Variants in DPYSL5 observed in about 807,000 individuals in gnomAD.
The protein encoded by DPYSL5 is dihydropyrimidinase like 5, also known as dihydropyrimidinase-related protein 5.
Under a neutral mutation model 58.4 loss-of-function variants are expected in DPYSL5, and 9 were observed. That is an observed-to-expected ratio of 0.15 (90% confidence interval 0.09 to 0.27). The LOEUF is 0.27. Among genes scored for constraint, DPYSL5 ranks in the 10% least tolerant of loss-of-function variants. The pLI, the probability that DPYSL5 is intolerant of heterozygous loss-of-function variation, is 1.00. For synonymous variants in DPYSL5, 293 were observed against 301.9 expected, an observed-to-expected ratio of 0.97 and a Z score of 0.31; for missense variants, 499 against 770.6, an observed-to-expected ratio of 0.65 and a Z score of 4.17.
intron 1 of DPYSL5, among the ~76,000 whole-genome samples, chr2:26,878,970 T>A (rs1432025582): frequency 6.6e-6 from 1 of 152,232 alleles, no homozygotes; most frequent in Non-Finnish European, 1.5e-5. Flanking sequence ...CCCCACCCTT[T>A]CTGGTACCGG....
rs749747850 is a variant in DPYSL5, at chr2:26,946,879, C to T, written c.1610-31C>T. 3.8e-5 allele frequency: 61 copies of T among 1,588,498 alleles called. 1 individual carries two copies. The highest frequency in any genetic ancestry group is 3.5e-4 in the South Asian group (32 of 90,370). On this transcript the variant is annotated intron_variant, in intron 12 of 12. Transcript: ENST00000288699. ...TGGTTTGTTAGCAGGCACAAGAGCC[C>T]GTCTCACCCTCTGTGCTTCCTTCCC...
rs1241552484 is a variant in DPYSL5, at chr2:26,877,299, CTATTTATT to C, written c.-4-21187_-4-21180del. Among the ~76,000 whole-genome samples, 2 of 152,044 alleles carry C rather than the reference CTATTTATT, an allele frequency of 1.3e-5. No individual in the cohort carries two copies. The highest frequency in any genetic ancestry group is 2.1e-4 in the South Asian group (1 of 4,820). On this transcript the variant is annotated intron_variant, in intron 1 of 12. Transcript: ENST00000288699. This position sits in a 1 kb window ranked among gnomAD's most constrained non-coding sequence, Gnocchi z 4.1. The stretch of plus-strand genomic sequence containing the variant: ...CTTTATTATAACAATATTTTTATTT[CTATTTATT>C]TATTTATTTTTTTAAGGCCAAGGAA...
Position 26,934,837 on chromosome 2 carries a change from C to G in DPYSL5, c.947+103C>G, listed in dbSNP as rs1159540944. On this transcript the variant is annotated intron_variant, in intron 8 of 12. Transcript: ENST00000288699. The surrounding 1 kb of genome is among the most constrained non-coding windows in gnomAD (Gnocchi z 4.3). The stretch of plus-strand genomic sequence containing the variant: ...TGAGCTAGGTTTGATTTCATTGTGC[C>G]CATAGGATCATTGTGCTTTTCTTAC... 2 of 1,454,226 alleles carry G rather than the reference C, an allele frequency of 1.4e-6. No homozygotes were observed. The highest frequency in any genetic ancestry group is 1.4e-5 in the African/African-American group (1 of 71,332). 90.1% of individuals were successfully genotyped at this position (1,454,226 alleles called of 1,614,324 possible). A position where few individuals can be genotyped will look rare whatever the true frequency, so the allele number is the denominator to read the frequency against.
At chr2:26,879,517 G>A (rs1663503128) in intron 1 of DPYSL5, among the ~76,000 whole-genome samples, 1 of 150,558 alleles carries the variant, frequency 6.6e-6, no homozygotes, top group South Asian at 2.1e-4. Context: ...TGATTGTTTG[G>A]AATTACGTCT....
At chr2:26,912,663 C>A (rs995482249) in intron 2 of DPYSL5, among the ~76,000 whole-genome samples, 1 of 152,206 alleles carries the variant, frequency 6.6e-6, no homozygotes, top group Non-Finnish European at 1.5e-5. Flanking sequence ...AACCGCATGT[C>A]GGGAGCCAGC....
intron 1 of DPYSL5, among the ~76,000 whole-genome samples, chr2:26,882,473 G>A (rs536579242): frequency 2.6e-5 from 4 of 151,086 alleles, no homozygotes; most frequent in South Asian, 4.2e-4. Context: ...GTGTAGACAG[G>A]GTGTCACTAT....
At chr2:26,880,934 T>C (rs1663544506) in intron 1 of DPYSL5, among the ~76,000 whole-genome samples, 1 of 152,256 alleles carries the variant, frequency 6.6e-6, no homozygotes, top group African/African-American at 2.4e-5. Context: ...CTTCAGTCTG[T>C]TGGGCATGAA....
rs927614993 is a variant in DPYSL5 at position 26,942,983 on chromosome 2, C to T, written c.1440+233C>T. ...CCAAGTGGCATTTTAAGTGGTCAGG[C>T]AGCAGGGCTCCTGAGTTGCTGAGGG... On this transcript the variant is annotated intron_variant, in intron 11 of 12. Coordinates refer to ENST00000288699, the MANE Select transcript of DPYSL5 (RefSeq NM_020134.4). The surrounding 1 kb of genome is among the most constrained non-coding windows in gnomAD (Gnocchi z 5.9). Among the ~76,000 whole-genome samples the T allele has an allele frequency of 6.6e-6, 1 of 152,200 alleles. No individual in the cohort carries two copies. Among genetic ancestry groups the T allele is most frequent in the Non-Finnish European group, 1.5e-5 (1 of 68,040 alleles).
chr2:26,893,024 T>C (rs568999548), intron 1 of DPYSL5, among the ~76,000 whole-genome samples: 1 of 152,278 alleles, frequency 6.6e-6, no homozygotes, highest in Admixed American at 6.5e-5. Context: ...CCACGGCCTC[T>C]CTGCCCTGTC....
intron 1 of DPYSL5, among the ~76,000 whole-genome samples, chr2:26,861,656 G>C (rs1236680389): frequency 2.0e-5 from 3 of 152,120 alleles, no homozygotes; most frequent in African/African-American, 7.2e-5. Flanking sequence ...TCCTCATGTA[G>C]AGCATTCATT....
chr2:26,862,274 CGCAAGGCCCCTCA>C (rs1558321276), intron 1 of DPYSL5, among the ~76,000 whole-genome samples: 1 of 152,208 alleles, frequency 6.6e-6, no homozygotes, highest in East Asian at 1.9e-4. Flanking sequence ...TGGCACTTGG[CGCAAGGCCCCTCA>C]GCAAGTTGGT....
intron 1 of DPYSL5, among the ~76,000 whole-genome samples, chr2:26,883,802 G>T (rs576881502): frequency 6.6e-6 from 1 of 152,300 alleles, no homozygotes; most frequent in South Asian, 2.1e-4. Context: ...TAAAAGAGAA[G>T]AAAGTAGTTT....
At chr2:26,936,558 C>T (rs969688354) in intron 8 of DPYSL5, among the ~76,000 whole-genome samples, 1 of 152,096 alleles carries the variant, frequency 6.6e-6, no homozygotes, top group African/African-American at 2.4e-5. Context: ...GGGTGCCAGG[C>T]GGCAGCAGCT....
intron 1 of DPYSL5, among the ~76,000 whole-genome samples, chr2:26,879,460 GAAAAAAAAAAA>G (rs748100269): frequency 1.3e-5 from 1 of 74,362 alleles, no homozygotes; most frequent in Non-Finnish European, 2.6e-5. Context: ...ATCTCTATTT[GAAAAAAAAAAA>G]AAAAAAAAAA....
At chr2:26,939,747 G>A (rs894384720) in intron 8 of DPYSL5, 5 of 343,574 alleles carry the variant, frequency 1.5e-5, no homozygotes, top group South Asian at 8.8e-5. Flanking sequence ...CTCTAAGTTC[G>A]GCTTTTCTCT....
intron 1 of DPYSL5, among the ~76,000 whole-genome samples, chr2:26,861,746 G>A (rs895073186): frequency 6.6e-6 from 1 of 152,144 alleles, no homozygotes; most frequent in Admixed American, 6.5e-5. Context: ...CCATCCCCCG[G>A]CCATGATCTC....
intron 2 of DPYSL5, among the ~76,000 whole-genome samples, chr2:26,903,495 C>CCCCAG (rs569227540): frequency 6.6e-6 from 1 of 152,152 alleles, no homozygotes; most frequent in Non-Finnish European, 1.5e-5. Context: ...AGTGTCCAGT[C>CCCCAG]CCCAGCCCAG....
chr2:26,931,213 A>G (rs1416350893), intron 5 of DPYSL5, among the ~76,000 whole-genome samples: 30 of 89,312 alleles, frequency 3.4e-4, no homozygotes, highest in East Asian at 9.5e-4. Context: ...GTATATATAT[A>G]TATATATATA....
In DPYSL5 at chr2:26,905,702, T is replaced by C. The variant is rs747550787; in HGVS notation, c.261+6942T>C. ...CCCTGTGAAGGCTTCATGAAGTGAC[T>C]TCCCCTCCCCTGCCACCTGGAGGAC... On this transcript the variant is annotated intron_variant, in intron 2 of 12. Transcript: ENST00000288699. The surrounding 1 kb of genome is among the most constrained non-coding windows in gnomAD (Gnocchi z 4.0). Among the ~76,000 whole-genome samples, 8 of 152,170 alleles carry C rather than the reference T, an allele frequency of 5.3e-5. No homozygotes were observed. The highest frequency in any genetic ancestry group is 1.0e-4 in the Non-Finnish European group (7 of 68,016).
Sources: allele counts gnomAD v4.1 joint callset (sites outside exome capture counted in the v4.1 genomes callset), GRCh38; gene constraint gnomAD v4.1.1; non-coding constraint Gnocchi (gnomAD v3.1); transcripts MANE v1.5; gene names NCBI Gene and HGNC (gene_info 2026-07-23, HGNC 2026-07-21).